The following GNAI1 variants were observed in gnomAD, a reference collection of about 807,000 sequenced individuals.
The protein encoded by GNAI1 is guanine nucleotide-binding protein G(i) subunit alpha-1.
In GNAI1, 11 loss-of-function variants were observed where a neutral mutation model predicts 38.9. The observed-to-expected ratio is 0.28, with a 90% CI of 0.18 to 0.47. The LOEUF (loss-of-function observed/expected upper bound fraction) is 0.47, where lower values mean the gene tolerates loss of function less well. Ranked by LOEUF, GNAI1 falls within the 20% of genes least tolerant of loss-of-function variation. The probability of loss-of-function intolerance (pLI) is 0.99; values close to 1 mark genes in which losing one functional copy is unlikely to be tolerated. For synonymous variants in GNAI1, 166 were observed against 145.1 expected, an observed-to-expected ratio of 1.14 and a Z score of -1.04; for missense variants, 317 against 436.9, an observed-to-expected ratio of 0.73 and a Z score of 2.45.
At chr7:80,155,374 A>G (rs75280388) in intron 1 of GNAI1, among the ~76,000 whole-genome samples, 1 of 152,180 alleles carries the variant, frequency 6.6e-6, no homozygotes, top group African/African-American at 2.4e-5. Context: ...CTGTATTTCT[A>G]TCCAATAGTA....
At chr7:80,194,077 T>C (rs1788527355) in intron 3 of GNAI1, among the ~76,000 whole-genome samples, 1 of 152,224 alleles carries the variant, frequency 6.6e-6, no homozygotes, top group Admixed American at 6.5e-5. Context: ...GATTGTCTTT[T>C]AGAAAGGTTC....
At chr7:80,156,367 A>G (rs1787818877) in intron 1 of GNAI1, among the ~76,000 whole-genome samples, 1 of 152,208 alleles carries the variant, frequency 6.6e-6, no homozygotes, top group Non-Finnish European at 1.5e-5. Context: ...AGGTGAATCA[A>G]ACACCCCGAG....
At chr7:80,174,443 G>A (rs1430686405) in intron 1 of GNAI1, among the ~76,000 whole-genome samples, 1 of 140,912 alleles carries the variant, frequency 7.1e-6, no homozygotes, top group South Asian at 2.2e-4. Context: ...AATAGTTTTT[G>A]TATCTTCTGC....
chr7:80,180,754 G>C lies in GNAI1; in HGVS notation c.119-8197G>C, dbSNP rs78697806. ...AGTGATATATTTCCTGCTTGGCCCA[G>C]GTCAGTCCAGTTGAGCTTGTGTCCA... On this transcript the variant is annotated intron_variant, in intron 1 of 7. Coordinates refer to ENST00000649796, the MANE Select transcript of GNAI1 (RefSeq NM_002069.6). Among the ~76,000 whole-genome samples the C allele has an allele frequency of 5.0e-3, 759 of 152,180 alleles. 5 individuals are homozygous for C. The highest frequency in any genetic ancestry group is 0.015 in the African/African-American group (608 of 41,522).
Position 80,206,124 on chromosome 7 carries a change from C to T in GNAI1, c.590+2292C>T, listed in dbSNP as rs116198875. 3.4e-3 allele frequency among the ~76,000 whole-genome samples: 515 copies of T among 152,108 alleles called. 6 individuals are homozygous for T. Among genetic ancestry groups the T allele is most frequent in the African/African-American group, 0.012 (495 of 41,536 alleles). Reference sequence around the variant, plus strand: ...TTCCATAAGTATTTTAAATTTAATACATTTGTTACTATCACTTGTCACTGA... The same window carrying T: ...TTCCATAAGTATTTTAAATTTAATATATTTGTTACTATCACTTGTCACTGA... On this transcript the variant is annotated intron_variant, in intron 5 of 7. Coordinates refer to ENST00000649796, the MANE Select transcript of GNAI1 (RefSeq NM_002069.6).
chr7:80,189,407 G>A (rs927673504), intron 3 of GNAI1, among the ~76,000 whole-genome samples, 176 bp downstream of exon 3: 6 of 152,288 alleles, frequency 3.9e-5, no homozygotes, highest in African/African-American at 1.2e-4. Context: ...ATTAGAATAT[G>A]TAGGATTGTA....
chr7:80,214,192 G>C (rs1277670311), intron 7 of GNAI1, among the ~76,000 whole-genome samples: 1 of 152,078 alleles, frequency 6.6e-6, no homozygotes, highest in Non-Finnish European at 1.5e-5. Flanking sequence ...TTACACTTCA[G>C]TTCAAACTAA....
At chr7:80,149,599 A>G (rs1245001816) in intron 1 of GNAI1, among the ~76,000 whole-genome samples, 1 of 152,056 alleles carries the variant, frequency 6.6e-6, no homozygotes, top group Admixed American at 6.6e-5. Flanking sequence ...CAGTAGAAGG[A>G]CTATATACTC....
intron 1 of GNAI1, among the ~76,000 whole-genome samples, chr7:80,159,883 G>T (rs1369665220): frequency 1.3e-5 from 2 of 152,098 alleles, no homozygotes; most frequent in African/African-American, 4.8e-5. Context: ...CATCTCATAG[G>T]GATTGCGTGA....
chr7:80,157,214 G>A (rs1039878872), intron 1 of GNAI1, among the ~76,000 whole-genome samples: 2 of 152,068 alleles, frequency 1.3e-5, no homozygotes, highest in Non-Finnish European at 2.9e-5. Context: ...CATGTAGTAT[G>A]TAGCCTTTTC....
intron 1 of GNAI1, among the ~76,000 whole-genome samples, chr7:80,143,347 G>A (rs539856483): frequency 1.3e-5 from 2 of 152,232 alleles, no homozygotes; most frequent in African/African-American, 2.4e-5. Context: ...ATCTTGGGGG[G>A]TGGAGGTGGA....
intron 1 of GNAI1, 100 bp from the exon 2 acceptor site, chr7:80,188,851 A>G: frequency 1.3e-6 from 1 of 756,216 alleles, no homozygotes; most frequent in South Asian, 1.6e-5. Flanking sequence ...ACAGAGAGAG[A>G]CTGGGTGTGT....
At chr7:80,198,324 A>G (rs944341110) in intron 3 of GNAI1, among the ~76,000 whole-genome samples, 7 of 152,074 alleles carry the variant, frequency 4.6e-5, no homozygotes, top group Non-Finnish European at 4.4e-5. Context: ...ACTGTTAAAA[A>G]TCATTTCACC....
intron 1 of GNAI1, chr7:80,135,551 C>G (rs1171803150): frequency 1.1e-5 from 4 of 362,262 alleles, no homozygotes; most frequent in Non-Finnish European, 4.9e-6. Flanking sequence ...AGCCCAGGCG[C>G]GAGTCCGAGG....
chr7:80,194,527 A>C (rs1241449702), intron 3 of GNAI1, among the ~76,000 whole-genome samples: 2 of 152,192 alleles, frequency 1.3e-5, no homozygotes, highest in Non-Finnish European at 2.9e-5. Context: ...CAAAAGATTT[A>C]CCAAATATTG....
intron 5 of GNAI1, among the ~76,000 whole-genome samples, 171 bp downstream of exon 5, chr7:80,204,003 A>C (rs986095256): frequency 6.6e-6 from 1 of 152,132 alleles, no homozygotes; most frequent in African/African-American, 2.4e-5. Flanking sequence ...AAGTCAAAAA[A>C]AGCATTCCTA....
At chr7:80,213,369 A>G (rs1045335125) in intron 7 of GNAI1, among the ~76,000 whole-genome samples, 1 of 152,196 alleles carries the variant, frequency 6.6e-6, no homozygotes, top group African/African-American at 2.4e-5. Context: ...AAACTTTGGT[A>G]ATGAGACTGT....
intron 3 of GNAI1, among the ~76,000 whole-genome samples, chr7:80,197,018 G>A (rs1460389221): frequency 6.6e-6 from 1 of 151,782 alleles, no homozygotes; most frequent in Non-Finnish European, 1.5e-5. Flanking sequence ...CTGGACTTCT[G>A]TAGACTTGGT....
intron 1 of GNAI1, among the ~76,000 whole-genome samples, chr7:80,187,699 C>G (rs1032493562): frequency 6.6e-6 from 1 of 152,098 alleles, no homozygotes; most frequent in African/African-American, 2.4e-5. Flanking sequence ...GGCCCGGTGT[C>G]TCAAACAGTC....
Sources: gnomAD v4.1 joint callset for allele counts (sites outside exome capture counted in the v4.1 genomes callset) on GRCh38, gnomAD v4.1.1 for gene constraint, MANE v1.5 for transcripts, NCBI Gene and HGNC (gene_info 2026-07-23, HGNC 2026-07-21) for gene names.